The following SBF2 variants were observed in gnomAD, a reference collection of about 807,000 sequenced individuals.
SBF2 encodes SET binding factor 2.
SBF2 carries 112 observed loss-of-function variants against 225.2 expected under a neutral mutation model. That is an observed-to-expected ratio of 0.50 (90% confidence interval 0.43 to 0.58). The LOEUF (loss-of-function observed/expected upper bound fraction) is 0.58, where lower values mean the gene tolerates loss of function less well. Ranked by LOEUF, SBF2 falls within the 20% of genes least tolerant of loss-of-function variation. SBF2 has a pLI of 0.00. For synonymous variants in SBF2, 763 were observed against 773.3 expected, an observed-to-expected ratio of 0.99 and a Z score of 0.22; for missense variants, 1,996 against 2,206.2, an observed-to-expected ratio of 0.90 and a Z score of 1.91.
At chr11:9,803,727 C>A (rs1853622911) in intron 32 of SBF2, among the ~76,000 whole-genome samples, 1 of 152,278 alleles carries the variant, frequency 6.6e-6, no homozygotes, top group South Asian at 2.1e-4. Context: ...TGTACAAGCT[C>A]ATTCCCCTGG....
intron 17 of SBF2, among the ~76,000 whole-genome samples, chr11:9,873,036 C>T (rs2134055641): frequency 6.6e-6 from 1 of 151,730 alleles, no homozygotes; most frequent in East Asian, 1.9e-4. Context: ...GAAACACTGT[C>T]TCTACCAAAA....
chr11:9,978,634 T>G (rs1018082649), intron 13 of SBF2, among the ~76,000 whole-genome samples: 2 of 94,048 alleles, frequency 2.1e-5, no homozygotes, highest in Non-Finnish European at 4.5e-5. Context: ...TTTGTTTGAT[T>G]GTTTTTGTTT....
intron 13 of SBF2, among the ~76,000 whole-genome samples, chr11:9,978,152 C>T (rs1946783941): frequency 2.0e-5 from 3 of 152,292 alleles, no homozygotes; most frequent in African/African-American, 4.8e-5. Flanking sequence ...TTATTTTCCT[C>T]GCATTGATAC....
chr11:10,064,566 G>A (rs981195809), intron 2 of SBF2, among the ~76,000 whole-genome samples: 2 of 151,952 alleles, frequency 1.3e-5, no homozygotes, highest in Admixed American at 6.6e-5. Context: ...ACAAAGACTC[G>A]AAAAGGTTAA....
intron 1 of SBF2, among the ~76,000 whole-genome samples, chr11:10,241,242 A>G (rs1388112901): frequency 1.3e-5 from 2 of 152,148 alleles, no homozygotes; most frequent in African/African-American, 4.8e-5. Flanking sequence ...ACTCCCAGCT[A>G]CTTGGGGGGC....
At chr11:9,965,259 T>A (rs949961697) in intron 14 of SBF2, among the ~76,000 whole-genome samples, 1 of 151,484 alleles carries the variant, frequency 6.6e-6, no homozygotes, top group Non-Finnish European at 1.5e-5. Flanking sequence ...TTTCATCTCA[T>A]CAATACAAAA....
chr11:10,160,398 G>A (rs1397360255), intron 2 of SBF2, among the ~76,000 whole-genome samples: 4 of 152,094 alleles, frequency 2.6e-5, no homozygotes, highest in African/African-American at 9.7e-5. Flanking sequence ...TTCAGTGAGT[G>A]CTTCAAGTTT....
chr11:9,923,348 G>A (rs1477111859), intron 16 of SBF2, among the ~76,000 whole-genome samples: 6 of 152,124 alleles, frequency 3.9e-5, no homozygotes, highest in South Asian at 2.1e-4. Context: ...CAGACAAGGC[G>A]TGCTGAGTTC....
intron 2 of SBF2, among the ~76,000 whole-genome samples, chr11:10,150,342 G>T (rs1018461108): frequency 6.6e-6 from 1 of 151,952 alleles, no homozygotes; most frequent in African/African-American, 2.4e-5. Context: ...GTCATGATTG[G>T]ATAAAATTTA....
chr11:10,012,050 T>C (rs1468734308), intron 6 of SBF2, among the ~76,000 whole-genome samples: 2 of 152,260 alleles, frequency 1.3e-5, no homozygotes, highest in African/African-American at 4.8e-5. Context: ...CTATGTTTTT[T>C]ATATTGGATC....
chr11:9,903,325 AAAAAAG>A (rs1861876240), intron 16 of SBF2, among the ~76,000 whole-genome samples: 2 of 152,224 alleles, frequency 1.3e-5, no homozygotes, highest in Non-Finnish European at 1.5e-5. Context: ...CCGTCTCAAA[AAAAAAG>A]AAAAAGAAAA....
intron 17 of SBF2, among the ~76,000 whole-genome samples, chr11:9,881,024 CA>C (rs1385872737): frequency 1.3e-5 from 2 of 152,146 alleles, no homozygotes; most frequent in African/African-American, 4.8e-5. Flanking sequence ...AAGTGCTTAA[CA>C]AAAAGATCTG....
Position 10,022,141 on chromosome 11 carries a change from A to G in SBF2, c.619+6311T>C, listed in dbSNP as rs72858816. On this transcript the variant is annotated intron_variant, in intron 6 of 39. Coordinates refer to ENST00000256190, the MANE Select transcript of SBF2 (RefSeq NM_030962.4). ...GCTAGTGCATTCTTTCATTTATTCAATAAACATTGATGCCTTTTGTACCTG... is the reference window on the plus strand; with the variant it reads ...GCTAGTGCATTCTTTCATTTATTCAGTAAACATTGATGCCTTTTGTACCTG... Among the ~76,000 whole-genome samples the G allele has an allele frequency of 6.3e-3, 964 of 152,316 alleles. 5 individuals are homozygous for G. Among genetic ancestry groups the G allele is most frequent in the Non-Finnish European group, 9.7e-3 (657 of 68,026 alleles).
intron 1 of SBF2, among the ~76,000 whole-genome samples, chr11:10,219,041 G>A (rs1208351867): frequency 3.9e-5 from 6 of 152,050 alleles, no homozygotes; most frequent in South Asian, 2.1e-4. Context: ...CCCTCTTCTC[G>A]TAGCTCCACT....
At chr11:9,845,341 T>C (rs1202291637) in intron 24 of SBF2, among the ~76,000 whole-genome samples, 9 of 152,212 alleles carry the variant, frequency 5.9e-5, no homozygotes, top group African/African-American at 1.4e-4. Context: ...TTGTGAGCAA[T>C]GGACATGACA....
intron 3 of SBF2, among the ~76,000 whole-genome samples, chr11:10,033,987 T>C (rs1336501769): frequency 1.3e-5 from 2 of 152,170 alleles, no homozygotes; most frequent in Admixed American, 1.3e-4. Flanking sequence ...AAATTTAATA[T>C]TTTATACTAC....
chr11:10,019,603 C>T (rs925052372), intron 6 of SBF2, among the ~76,000 whole-genome samples: 3 of 149,002 alleles, frequency 2.0e-5, no homozygotes, highest in African/African-American at 7.4e-5. Context: ...ACCCTTATGA[C>T]AAAAGACAGA....
intron 16 of SBF2, among the ~76,000 whole-genome samples, chr11:9,921,282 T>C (rs1590456364): frequency 6.6e-6 from 1 of 152,020 alleles, no homozygotes; most frequent in African/African-American, 2.4e-5. Flanking sequence ...GTTGGTCAGG[T>C]TGGTCTCCTA....
chr11:10,149,550 C>T (rs1044012813), intron 2 of SBF2: 2 of 152,148 alleles, frequency 1.3e-5, no homozygotes, highest in African/African-American at 4.8e-5. Context: ...AAATGGCCTC[C>T]AAGTTGCCAA....
Sources: allele counts gnomAD v4.1 joint callset (sites outside exome capture counted in the v4.1 genomes callset), GRCh38; gene constraint gnomAD v4.1.1; transcripts MANE v1.5; gene names NCBI Gene and HGNC (gene_info 2026-07-23, HGNC 2026-07-21).